CADPS: variants seen among roughly 807,000 people sequenced by gnomAD.
CADPS encodes the protein calcium dependent secretion activator.
Under a neutral mutation model 167.3 loss-of-function variants are expected in CADPS, and 57 were observed. The ratio of observed to expected loss-of-function variants is 0.34; its 90% CI spans 0.28 to 0.42. The LOEUF (loss-of-function observed/expected upper bound fraction) is 0.42. Ranked by LOEUF, CADPS falls within the 20% of genes least tolerant of loss-of-function variation. The pLI is 1.00. For missense variants in CADPS, 1,414 were observed against 1,738.1 expected (o/e 0.81, Z 3.32); for synonymous variants, 676 against 635.3 (o/e 1.06, Z -0.96).
chr3:62,721,137 A>ATTTTTTTTTTTT (rs2075740215), intron 3 of CADPS, among the ~76,000 whole-genome samples: 2 of 75,866 alleles, frequency 2.6e-5, no homozygotes, highest in African/African-American at 6.2e-5. Context: ...TTTTTTTTAA[A>ATTTTTTTTTTTT]AAAAAAAAGA....
intron 22 of CADPS, among the ~76,000 whole-genome samples, chr3:62,480,431 AT>A (rs1026544447): frequency 2.0e-5 from 3 of 152,142 alleles, no homozygotes; most frequent in African/African-American, 7.2e-5. Context: ...TCAGATATAA[AT>A]TTTTGGAGGT....
intron 17 of CADPS, among the ~76,000 whole-genome samples, chr3:62,510,191 C>CATCTATCTATCTGTCT (rs1553853779): frequency 3.4e-5 from 5 of 148,266 alleles, no homozygotes; most frequent in African/African-American, 1.3e-4. Context: ...CCTATTTCTG[C>CATCTATCTATCTGTCT]ATCTATCTAT....
intron 3 of CADPS, among the ~76,000 whole-genome samples, chr3:62,717,591 A>G (rs983771631): frequency 6.6e-6 from 1 of 152,108 alleles, no homozygotes; most frequent in Non-Finnish European, 1.5e-5. Flanking sequence ...CTAGTTGAGC[A>G]TTCTTATTGG....
intron 7 of CADPS, among the ~76,000 whole-genome samples, chr3:62,591,544 G>A (rs2086037068): frequency 6.6e-6 from 1 of 152,172 alleles, no homozygotes; most frequent in African/African-American, 2.4e-5. Context: ...ATAGTAGGCG[G>A]GGAGGAATGT....
In CADPS at chr3:62,592,498, T is replaced by C. The variant is rs947997251; in HGVS notation, c.1437+139A>G. ...CTTGCTTAAGGTCACCCAGCCAATG[T>C]AGAGTGGAGTCCAGGACTTAATGTT... is the stretch of plus-strand genomic sequence containing the variant. On this transcript the variant is annotated intron_variant, in intron 7 of 29. Transcript: ENST00000383710. 21 of 637,696 alleles carry C rather than the reference T, an allele frequency of 3.3e-5. No individual in the cohort carries two copies. In the Admixed American group the frequency reaches 4.2e-4, roughly 13 times the overall value. 39.5% of individuals were successfully genotyped at this position (637,696 alleles called of 1,614,324 possible).
intron 13 of CADPS, among the ~76,000 whole-genome samples, chr3:62,527,684 T>C (rs1353371597): frequency 6.6e-6 from 1 of 152,166 alleles, no homozygotes; most frequent in Non-Finnish European, 1.5e-5. Flanking sequence ...GCCACGTCAG[T>C]GGTCATTAAT....
intron 3 of CADPS, among the ~76,000 whole-genome samples, chr3:62,682,170 C>T (rs2077244852): frequency 6.6e-6 from 1 of 152,076 alleles, no homozygotes; most frequent in Admixed American, 6.5e-5. Flanking sequence ...TCACAGTTCA[C>T]AGATTTTGTG....
At chr3:62,826,346 C>A (rs1287942418) in intron 1 of CADPS, among the ~76,000 whole-genome samples, 5 of 152,066 alleles carry the variant, frequency 3.3e-5, no homozygotes, top group Non-Finnish European at 4.4e-5. Context: ...CTGGCACACT[C>A]TGAATCAGGT....
chr3:62,740,525 A>C (rs971103961), intron 3 of CADPS, among the ~76,000 whole-genome samples: 1 of 152,228 alleles, frequency 6.6e-6, no homozygotes, highest in South Asian at 2.1e-4. Context: ...GTAAAAGAAG[A>C]TACCAGACAT....
intron 21 of CADPS, among the ~76,000 whole-genome samples, chr3:62,485,169 A>C (rs2062617433): frequency 6.6e-6 from 1 of 151,496 alleles, no homozygotes; most frequent in Non-Finnish European, 1.5e-5. Flanking sequence ...CCACCCTCCC[A>C]CCTGAGTCAA....
chr3:62,400,235 C>T, intron 29 of CADPS, among the ~76,000 whole-genome samples: 1 of 152,152 alleles, frequency 6.6e-6, no homozygotes. Flanking sequence ...TTTATGGTCT[C>T]AGGGAAGAAA....
Position 62,509,822 on chromosome 3 carries a change from T to C in CADPS, c.2599+2929A>G, listed in dbSNP as rs75375370. ...ACCTTATCCACTGAATGAATGGATATTGTCTAAGTGCTCACCACATCAGGC... is the reference window on the plus strand; with the variant it reads ...ACCTTATCCACTGAATGAATGGATACTGTCTAAGTGCTCACCACATCAGGC... On this transcript the variant is annotated intron_variant, in intron 17 of 29. Transcript: ENST00000383710. Among the ~76,000 whole-genome samples the C allele has an allele frequency of 3.6e-3, 541 of 152,274 alleles. 3 individuals are homozygous for C. Among genetic ancestry groups the C allele is most frequent in the African/African-American group, 0.012 (519 of 41,554 alleles).
chr3:62,731,350 T>G (rs180994302), intron 3 of CADPS, among the ~76,000 whole-genome samples: 2 of 152,024 alleles, frequency 1.3e-5, no homozygotes, highest in Non-Finnish European at 2.9e-5. Flanking sequence ...GGCATAGAGG[T>G]GTAAGGCTGC....
At chr3:62,555,562 T>C (rs528670149) in intron 10 of CADPS, among the ~76,000 whole-genome samples, 122 of 152,278 alleles carry the variant, frequency 8.0e-4, no homozygotes, top group African/African-American at 2.8e-3. Context: ...ATTTACAAAA[T>C]GGGGTAATGA....
intron 3 of CADPS, among the ~76,000 whole-genome samples, chr3:62,744,414 T>G (rs2152330481): frequency 1.3e-5 from 2 of 151,338 alleles, no homozygotes; most frequent in Middle Eastern, 6.9e-3. Context: ...ATCAATACAC[T>G]ATACTCCACT....
chr3:62,582,756 T>C (rs1346013547), intron 8 of CADPS, among the ~76,000 whole-genome samples: 1 of 152,188 alleles, frequency 6.6e-6, no homozygotes. Context: ...AGTCCAGCAA[T>C]ATGAAATAGC....
At chr3:62,842,331 T>C (rs919141968) in intron 1 of CADPS, among the ~76,000 whole-genome samples, 4 of 152,172 alleles carry the variant, frequency 2.6e-5, no homozygotes, top group Non-Finnish European at 5.9e-5. Flanking sequence ...CAAAGTCACA[T>C]AGATGATAAA....
chr3:62,739,750 T>A (rs757020476), intron 3 of CADPS, among the ~76,000 whole-genome samples: 3 of 152,210 alleles, frequency 2.0e-5, no homozygotes, highest in Non-Finnish European at 2.9e-5. Flanking sequence ...TCAGCATTGA[T>A]GCCAGAAAGC....
chr3:62,452,324 C>T (rs1412749540), intron 26 of CADPS, among the ~76,000 whole-genome samples: 1 of 151,170 alleles, frequency 6.6e-6, no homozygotes, highest in Non-Finnish European at 1.5e-5. Context: ...ACATGTGGCT[C>T]TTTAAATTTA....
Sources: allele counts gnomAD v4.1 joint callset (sites outside exome capture counted in the v4.1 genomes callset), GRCh38; gene constraint gnomAD v4.1.1; transcripts MANE v1.5; gene names NCBI Gene and HGNC (gene_info 2026-07-23, HGNC 2026-07-21).